MED12L: variants seen among roughly 807,000 people sequenced by gnomAD.
MED12L encodes mediator complex subunit 12L.
Under a neutral mutation model 281.3 loss-of-function variants are expected in MED12L, and 60 were observed. That is an observed-to-expected ratio of 0.21 (90% CI 0.17 to 0.26). MED12L has a LOEUF of 0.26. Ranked by LOEUF, MED12L falls within the 10% of genes least tolerant of loss-of-function variation. The pLI is 1.00. For synonymous variants in MED12L, 974 were observed against 987.2 expected (o/e 0.99, Z 0.25); for missense variants, 2,146 against 2,680.9 (o/e 0.80, Z 4.41).
chr3:151,193,785 G>A lies in MED12L; in HGVS notation c.2250+119G>A, dbSNP rs1724281874. ...AATAATGATAGCAGGTGAGTTTTTT[G>A]CATTTGCTCCTGCTTCTGTTCTAAT... On this transcript the variant is annotated intron_variant, in intron 16 of 44. Coordinates refer to ENST00000687756, the MANE Select transcript of MED12L (RefSeq NM_001393769.1). 5.8e-6 allele frequency: 5 copies of A among 858,338 alleles called. No individual in the cohort carries two copies. In the South Asian group the frequency reaches 9.7e-5, roughly 17 times the overall value. 53.2% of individuals were successfully genotyped at this position (858,338 alleles called of 1,614,324 possible).
intron 16 of MED12L, chr3:151,337,633 C>G (rs767962): frequency 3.2e-6 from 2 of 629,752 alleles, no homozygotes; most frequent in African/African-American, 3.7e-5. Context: ...GATTAGTTTT[C>G]TATATTTTAA....
intron 13 of MED12L, among the ~76,000 whole-genome samples, chr3:151,190,478 A>G (rs1024146046): frequency 1.3e-5 from 2 of 151,988 alleles, no homozygotes; most frequent in African/African-American, 4.8e-5. Context: ...AGCCAGGACT[A>G]CTATCTTTAA....
chr3:151,435,752 A>G lies in MED12L; in HGVS notation c.*2948A>G, dbSNP rs1328445579. On this transcript the variant is annotated 3_prime_UTR_variant, in exon 45 of 45. Coordinates refer to ENST00000687756, the MANE Select transcript of MED12L (RefSeq NM_001393769.1). Reference sequence around the variant, plus strand: ...TTAATTCAGGTTGAATTAAGCATGTAATATAAATTCAGTGAATTACAAAAA... The same window carrying G: ...TTAATTCAGGTTGAATTAAGCATGTGATATAAATTCAGTGAATTACAAAAA... The G allele has an allele frequency of 1.3e-5, 2 of 152,202 alleles. No homozygotes were observed. The highest frequency in any genetic ancestry group is 2.9e-5 in the Non-Finnish European group (2 of 68,022). 9.4% of individuals were successfully genotyped at this position (152,202 alleles called of 1,614,324 possible).
chr3:151,085,755 T>C lies in MED12L; in HGVS notation c.-311T>C, dbSNP rs992913799. The C allele has an allele frequency of 1.8e-3, 267 of 151,890 alleles. 2 individuals carry two copies. Among genetic ancestry groups the C allele is most frequent in the African/African-American group, 6.2e-3 (255 of 41,446 alleles). The allele number at this position is 151,890 out of a possible 1,614,324, so 9.4% of individuals were successfully genotyped here. Reference sequence around the variant, plus strand: ...CGAGAACGCCGGCGGCGAGCCGGCGTCGCTCGCCGCCCCCAGACAGTGGCA... The same window carrying C: ...CGAGAACGCCGGCGGCGAGCCGGCGCCGCTCGCCGCCCCCAGACAGTGGCA... On this transcript the variant is annotated 5_prime_UTR_variant, in exon 1 of 45. Coordinates refer to ENST00000687756, the MANE Select transcript of MED12L (RefSeq NM_001393769.1).
At chr3:151,276,755 C>A (rs1471556046) in intron 16 of MED12L, among the ~76,000 whole-genome samples, 1 of 152,128 alleles carries the variant, frequency 6.6e-6, no homozygotes, top group Non-Finnish European at 1.5e-5. Flanking sequence ...ATAGTCACAC[C>A]CTCTGTACCT....
intron 16 of MED12L, among the ~76,000 whole-genome samples, chr3:151,225,240 C>T (rs1451850222): frequency 1.3e-5 from 2 of 152,200 alleles, no homozygotes; most frequent in Non-Finnish European, 2.9e-5. Context: ...TGGCTACACT[C>T]CCCTTATTTC....
chr3:151,327,921 G>A (rs553748721), intron 16 of MED12L: 31 of 1,127,560 alleles, frequency 2.7e-5, no homozygotes, highest in South Asian at 1.8e-4. Context: ...TTTTTTCTTG[G>A]TTAAATTTGA....
At chr3:151,264,263 A>G (rs1161613928) in intron 16 of MED12L, among the ~76,000 whole-genome samples, 1 of 152,192 alleles carries the variant, frequency 6.6e-6, no homozygotes, top group African/African-American at 2.4e-5. Context: ...TGATTTCATT[A>G]TTTTGTAAGC....
At chr3:151,200,452 A>G (rs1164392382) in intron 16 of MED12L, among the ~76,000 whole-genome samples, 2 of 152,206 alleles carry the variant, frequency 1.3e-5, no homozygotes, top group African/African-American at 4.8e-5. Context: ...TTATAATACA[A>G]CCTTTTTAAA....
intron 11 of MED12L, among the ~76,000 whole-genome samples, chr3:151,172,452 C>G (rs1721554734): frequency 6.6e-6 from 1 of 152,218 alleles, no homozygotes; most frequent in Non-Finnish European, 1.5e-5. Context: ...TAGTGGGCCC[C>G]TTGGGGCTAC....
intron 5 of MED12L, among the ~76,000 whole-genome samples, chr3:151,153,865 G>A (rs540940766): frequency 1.5e-4 from 23 of 152,122 alleles, no homozygotes; most frequent in Admixed American, 9.8e-4. Flanking sequence ...TACCTCACCC[G>A]GCCTTCTGTT....
chr3:151,162,669 G>A (rs1283272156), intron 8 of MED12L, among the ~76,000 whole-genome samples: 2 of 152,088 alleles, frequency 1.3e-5, no homozygotes, highest in Non-Finnish European at 2.9e-5. Flanking sequence ...AAGCTCCTGG[G>A]CTCAAGTGAT....
intron 16 of MED12L, among the ~76,000 whole-genome samples, chr3:151,304,419 C>G (rs1746360662): frequency 6.6e-6 from 1 of 152,056 alleles, no homozygotes; most frequent in African/African-American, 2.4e-5. Context: ...ACTAAAAATA[C>G]AAAAATTAGC....
Position 151,165,891 on chromosome 3 carries a change from G to A in MED12L, c.1403G>A (p.Arg468His), listed in dbSNP as rs200591060. The A allele has an allele frequency of 7.4e-6, 12 of 1,613,830 alleles. No homozygotes were observed. In the East Asian group the frequency reaches 1.3e-4, roughly 18 times the overall value. Residue 468 changes from arginine (R) to histidine (H), a missense_variant, in exon 11 of 45, where the codon CGT becomes CAT. This residue lies in a region of MED12L where 722 missense variants were observed against 861.2 expected (regional missense o/e 0.84). Transcript: ENST00000687756. ...TTGCACACGTTGGAAGTTTTGGATC[G>A]TCACTGTTTTGACCGAACTGATTCC... ...RVLHTLEVLD[R>H]HCFDRTDSSN...
rs536421906 is a variant in MED12L, at chr3:151,419,884, G to A, written c.6408+3462G>A. 1.4e-4 allele frequency among the ~76,000 whole-genome samples: 20 copies of A among 143,684 alleles called. No individual in the cohort carries two copies. The South Asian group carries it at 4.6e-3, about 33-fold the overall frequency. 94.3% of individuals were successfully genotyped at this position (143,684 alleles called of 152,430 possible). A position where few individuals can be genotyped will look rare whatever the true frequency, so the allele number is the denominator to read the frequency against. ...ATAAAATTAAGATATTAGTACAAGT[G>A]TATACCTGCACAAACATGTTTTTAA... is the stretch of plus-strand genomic sequence containing the variant. On this transcript the variant is annotated intron_variant, in intron 43 of 44. Transcript: ENST00000687756.
intron 16 of MED12L, chr3:151,213,277 T>C (rs764953369): frequency 4.5e-6 from 7 of 1,552,940 alleles, no homozygotes; most frequent in Non-Finnish European, 6.1e-6. Context: ...ACACGTGGTC[T>C]TTCTTTGGAA....
At chr3:151,323,114 A>G (rs868047328) in intron 16 of MED12L, among the ~76,000 whole-genome samples, 13 of 152,186 alleles carry the variant, frequency 8.5e-5, no homozygotes, top group Admixed American at 7.9e-4. Context: ...CATTGCTAAT[A>G]TATTTTACAT....
chr3:151,361,960 G>A (rs1367536186), intron 21 of MED12L, among the ~76,000 whole-genome samples: 1 of 152,116 alleles, frequency 6.6e-6, no homozygotes, highest in Non-Finnish European at 1.5e-5. Context: ...ATGGGTAGGA[G>A]GAGAGTGGTA....
chr3:151,277,225 G>A (rs200302351), intron 16 of MED12L, among the ~76,000 whole-genome samples: 1 of 150,960 alleles, frequency 6.6e-6, no homozygotes, highest in East Asian at 1.9e-4. Context: ...TTTTTTTCCA[G>A]ACATGACAAT....
Sources: allele counts gnomAD v4.1 joint callset (sites outside exome capture counted in the v4.1 genomes callset), GRCh38; gene constraint gnomAD v4.1.1; regional missense constraint gnomAD v4.1.1; transcripts MANE v1.5; gene names NCBI Gene and HGNC (gene_info 2026-07-23, HGNC 2026-07-21).